The following CHORDC1 variants were observed in gnomAD, a reference collection of about 807,000 sequenced individuals.
CHORDC1 encodes the protein cysteine and histidine rich domain containing 1.
A neutral mutation model predicts 48.3 loss-of-function variants in CHORDC1; 25 were observed. That is an observed-to-expected ratio of 0.52 (90% CI 0.38 to 0.72). The LOEUF is 0.72. Ranked by LOEUF, CHORDC1 falls within the 30% of genes least tolerant of loss-of-function variation. The pLI is 0.00. For missense variants in CHORDC1, 317 were observed against 388.7 expected (o/e 0.82, Z 1.55); for synonymous variants, 128 against 126.4 (o/e 1.01, Z -0.09).
Position 90,211,330 on chromosome 11 carries a change from T to C in CHORDC1, c.330-12A>G. 1 of 1,509,104 alleles carries C rather than the reference T, an allele frequency of 6.6e-7. No individual in the cohort carries two copies. The highest frequency in any genetic ancestry group is 1.7e-5 in the Admixed American group (1 of 59,586). 93.5% of individuals were successfully genotyped at this position (1,509,104 alleles called of 1,614,324 possible). On this transcript the variant is annotated splice_polypyrimidine_tract_variant and intron_variant, in intron 4 of 10. Coordinates refer to ENST00000320585, the MANE Select transcript of CHORDC1 (RefSeq NM_012124.3). ...TTGGTTCATCTGGGCTGGAGAATTT[T>C]GAAACCTTATTACCATTATTAATAT...
chr11:90,215,155 A>C lies in CHORDC1; in HGVS notation c.171+19T>G. On this transcript the variant is annotated intron_variant, in intron 3 of 10. Coordinates refer to ENST00000320585, the MANE Select transcript of CHORDC1 (RefSeq NM_012124.3). ...TGTATTTTTAGGAAGATAATCTAGA[A>C]AAAATAATTAGTACTTACTACAATG... is the stretch of plus-strand genomic sequence containing the variant. 7.3e-7 allele frequency: 1 copy of C among 1,376,796 alleles called. No individual in the cohort carries two copies. Among genetic ancestry groups the C allele is most frequent in the South Asian group, 1.4e-5 (1 of 71,652 alleles). 85.3% of individuals were successfully genotyped at this position (1,376,796 alleles called of 1,614,324 possible). A position where few individuals can be genotyped will look rare whatever the true frequency, so the allele number is the denominator to read the frequency against.
intron 6 of CHORDC1, chr11:90,208,137 A>C (rs1156683054): frequency 6.6e-6 from 1 of 152,180 alleles, no homozygotes; most frequent in Non-Finnish European, 1.5e-5. Context: ...ATGCACAAGA[A>C]TGTTCATAAT....
At position 90,206,224 on chromosome 11, in the gene CHORDC1, C is replaced by T. The variant is rs1257194771; in HGVS notation, c.541G>A (p.Gly181Arg). ...TACCCCTCATGGAAAATAGGTACTC[C>T]AGAATGATATACACAGACTTCTTCT... ...SLEEVCVYHSGVPIFHEGMKY... is the reference protein window; with the variant it reads ...SLEEVCVYHSRVPIFHEGMKY... The change falls in exon 7 of 11, where the codon GGA (glycine) becomes AGA (arginine). Residue 181 changes from glycine to arginine, a missense_variant. By Grantham distance (125) the Gly-to-Arg change is moderately radical. Transcript: ENST00000320585. The T allele has an allele frequency of 9.0e-6, 14 of 1,563,592 alleles. No individual in the cohort carries two copies. Among genetic ancestry groups the T allele is most frequent in the Non-Finnish European group, 9.7e-6 (11 of 1,134,544 alleles).
chr11:90,209,684 G>T (rs566483225), intron 6 of CHORDC1, among the ~76,000 whole-genome samples: 2 of 152,098 alleles, frequency 1.3e-5, no homozygotes, highest in African/African-American at 4.8e-5. Context: ...CAAGAGGCAG[G>T]AAAATGGCTT....
Position 90,202,326 on chromosome 11 carries a change from A to G in CHORDC1, c.*79T>C, listed in dbSNP as rs2135023265. Reference sequence around the variant, plus strand: ...TTCAGTAACACAACAACAAAACAAAAGATTACAGCAGCAAGCCACCACTTC... The same window carrying G: ...TTCAGTAACACAACAACAAAACAAAGGATTACAGCAGCAAGCCACCACTTC... On this transcript the variant is annotated 3_prime_UTR_variant, in exon 11 of 11. Transcript: ENST00000320585. The G allele has an allele frequency of 7.4e-7, 1 of 1,355,402 alleles. No homozygotes were observed. The highest frequency in any genetic ancestry group is 2.3e-5 in the East Asian group (1 of 42,982). The allele number at this position is 1,355,402 out of a possible 1,614,324, so 84.0% of individuals were successfully genotyped here.
In CHORDC1 at chr11:90,221,156, C is replaced by T. The variant is rs1320054973; in HGVS notation, c.64+1735G>A. Among the ~76,000 whole-genome samples, 3 of 151,928 alleles carry T rather than the reference C, an allele frequency of 2.0e-5. No individual in the cohort carries two copies. In the South Asian group the frequency reaches 6.2e-4, roughly 32 times the overall value. Reference sequence around the variant, plus strand: ...GATGACAGATCCAACATCTGGCTTACGCAAAATGGAACTTGCTTGTGTATT... The same window carrying T: ...GATGACAGATCCAACATCTGGCTTATGCAAAATGGAACTTGCTTGTGTATT... On this transcript the variant is annotated intron_variant, in intron 1 of 10. Transcript: ENST00000320585.
chr11:90,213,509 T>C (rs749102021), intron 4 of CHORDC1: 20 of 612,924 alleles, frequency 3.3e-5, no homozygotes, highest in Admixed American at 5.7e-5. Context: ...TACAACTCTA[T>C]TGCACAATGA....
chr11:90,206,850 G>A (rs1171467902), intron 6 of CHORDC1: 12 of 918,238 alleles, frequency 1.3e-5, no homozygotes, highest in Non-Finnish European at 1.8e-5. Context: ...AATAAAACAT[G>A]GATGTAGCCA....
Position 90,202,179 on chromosome 11 carries a change from G to C in CHORDC1, c.*226C>G. On this transcript the variant is annotated 3_prime_UTR_variant, in exon 11 of 11. Transcript: ENST00000320585. ...TCTTCAAGTATAGGACACAACTATG[G>C]TTCCTACCAGTAGGGAGAAATGAAT... The C allele has an allele frequency of 2.0e-6, 1 of 506,482 alleles. No homozygotes were observed. Among genetic ancestry groups the C allele is most frequent in the Non-Finnish European group, 3.5e-6 (1 of 285,864 alleles). The allele number at this position is 506,482 out of a possible 1,614,324, so 31.4% of individuals were successfully genotyped here. A position where few individuals can be genotyped will look rare whatever the true frequency, so the allele number is the denominator to read the frequency against.
intron 1 of CHORDC1, 148 bp downstream of exon 1, chr11:90,222,743 G>C (rs567088025): frequency 2.6e-6 from 2 of 766,556 alleles, no homozygotes; most frequent in Admixed American, 2.1e-5. Context: ...GGCGGGCTGC[G>C]CGGGCAGCCA....
At chr11:90,207,787 A>AAAAAAAAAT (rs1857743056) in intron 6 of CHORDC1, 1 of 146,156 alleles carries the variant, frequency 6.8e-6, no homozygotes, top group Non-Finnish European at 1.5e-5. Context: ...AACAAAAAAA[A>AAAAAAAAAT]CTCGTATAAC....
Position 90,218,938 on chromosome 11 carries a change from T to C in CHORDC1, c.65-754A>G, listed in dbSNP as rs945726804. On this transcript the variant is annotated intron_variant, in intron 1 of 10. Coordinates refer to ENST00000320585, the MANE Select transcript of CHORDC1 (RefSeq NM_012124.3). ...CTTCCCCAAGTGTGCATTTTCAACA[T>C]TAAAGTTTACTTTTTAATTAAAAAA... Among the ~76,000 whole-genome samples, 13 of 148,454 alleles carry C rather than the reference T, an allele frequency of 8.8e-5. No individual in the cohort carries two copies. The Admixed American group carries it at 9.0e-4, about 10-fold the overall frequency.
At chr11:90,221,777 G>A (rs1417153845) in intron 1 of CHORDC1, among the ~76,000 whole-genome samples, 2 of 152,108 alleles carry the variant, frequency 1.3e-5, no homozygotes, top group South Asian at 2.1e-4. Flanking sequence ...TTAAAACTCT[G>A]TATCAATGGT....
At chr11:90,202,693 G>T (rs1400924815) in intron 10 of CHORDC1, 120 bp downstream of exon 10, 2 of 1,385,308 alleles carry the variant, frequency 1.4e-6, no homozygotes, top group African/African-American at 2.9e-5. Flanking sequence ...CTTTTTGGTA[G>T]GATACACTGT....
intron 2 of CHORDC1, among the ~76,000 whole-genome samples, chr11:90,216,174 G>A (rs745994267): frequency 7.2e-5 from 11 of 152,016 alleles, no homozygotes; most frequent in Non-Finnish European, 1.5e-4. Context: ...ATAGTCAACA[G>A]AAAAGTTATT....
chr11:90,201,365 A>G lies in CHORDC1; in HGVS notation c.*1040T>C, dbSNP rs1857539564. The G allele has an allele frequency of 6.6e-6, 1 of 151,890 alleles. No individual in the cohort carries two copies. The highest frequency in any genetic ancestry group is 1.5e-5 in the Non-Finnish European group (1 of 67,846). 9.4% of individuals were successfully genotyped at this position (151,890 alleles called of 1,614,324 possible). On this transcript the variant is annotated 3_prime_UTR_variant, in exon 11 of 11. Coordinates refer to ENST00000320585, the MANE Select transcript of CHORDC1 (RefSeq NM_012124.3). ...CAAACGATCTAATTCTGTATTACCT[A>G]TATTTAATATAAAGTACAATATATA...
chr11:90,217,976 CT>C (rs1163430216), intron 2 of CHORDC1, 158 bp downstream of exon 2: 1 of 417,680 alleles, frequency 2.4e-6, no homozygotes. Context: ...ACTGTCTTTT[CT>C]TTGTCTTTAG....
chr11:90,214,470 T>C (rs541003786), intron 3 of CHORDC1, among the ~76,000 whole-genome samples: 1 of 152,190 alleles, frequency 6.6e-6, no homozygotes, highest in Non-Finnish European at 1.5e-5. Context: ...CACAAAGAAC[T>C]GTAAAAAATA....
At chr11:90,207,777 A>AAAAAAAAAAAAAAAAAAAAG (rs1489054084) in intron 6 of CHORDC1, 1 of 147,864 alleles carries the variant, frequency 6.8e-6, no homozygotes, top group Non-Finnish European at 1.5e-5. Flanking sequence ...AAAAAAAAAA[A>AAAAAAAAAAAAAAAAAAAAG]ACAAAAAAAA....
Sources: allele counts gnomAD v4.1 joint callset (sites outside exome capture counted in the v4.1 genomes callset), GRCh38; gene constraint gnomAD v4.1.1; transcripts MANE v1.5; gene names NCBI Gene and HGNC (gene_info 2026-07-23, HGNC 2026-07-21).